The following ROBO1 variants were observed in gnomAD, a reference collection of about 807,000 sequenced individuals.
ROBO1 encodes the protein roundabout guidance receptor 1.
Under a neutral mutation model 195.9 loss-of-function variants are expected in ROBO1, and 149 were observed. The observed-to-expected ratio is 0.76, with a 90% CI of 0.67 to 0.87. ROBO1 has a LOEUF of 0.87. Ranked by LOEUF, ROBO1 falls within the 40% of genes least tolerant of loss-of-function variation. ROBO1 has a pLI of 0.00. For synonymous variants in ROBO1, 816 were observed against 733.2 expected, an observed-to-expected ratio of 1.11 and a Z score of -1.82; for missense variants, 1,933 against 2,068.3, an observed-to-expected ratio of 0.93 and a Z score of 1.27.
chr3:78,689,612 C>T (rs1220812483), intron 8 of ROBO1, among the ~76,000 whole-genome samples: 1 of 151,982 alleles, frequency 6.6e-6, no homozygotes, highest in African/African-American at 2.4e-5. Flanking sequence ...CTACTGTTTA[C>T]ACTTTTCCAA....
chr3:78,821,575 T>G (rs1204075676), intron 4 of ROBO1, among the ~76,000 whole-genome samples: 2 of 152,238 alleles, frequency 1.3e-5, no homozygotes, highest in East Asian at 1.9e-4. Context: ...GCTTTTCACA[T>G]GTAAAAGATT....
chr3:79,446,451 C>T (rs1386719602), intron 2 of ROBO1, among the ~76,000 whole-genome samples: 1 of 152,078 alleles, frequency 6.6e-6, no homozygotes, highest in African/African-American at 2.4e-5. Context: ...TGCATTATAG[C>T]TATTTTTTAG....
At chr3:79,585,280 G>A (rs1342054350) in intron 2 of ROBO1, among the ~76,000 whole-genome samples, 1 of 151,802 alleles carries the variant, frequency 6.6e-6, no homozygotes, top group Non-Finnish European at 1.5e-5. Flanking sequence ...TCTGAATTAA[G>A]ATTTTACTAA....
intron 1 of ROBO1, among the ~76,000 whole-genome samples, chr3:79,732,602 C>A (rs897880278): frequency 4.6e-5 from 7 of 152,138 alleles, no homozygotes; most frequent in Non-Finnish European, 7.4e-5. Flanking sequence ...TGCTCCCTTG[C>A]CGCTCTATGA....
intron 3 of ROBO1, among the ~76,000 whole-genome samples, chr3:78,981,588 A>G (rs1347256851): frequency 6.6e-6 from 1 of 152,156 alleles, no homozygotes; most frequent in Non-Finnish European, 1.5e-5. Context: ...CTGAAACTCT[A>G]TATACTCATT....
chr3:78,813,186 A>G (rs948051459), intron 4 of ROBO1, among the ~76,000 whole-genome samples: 1 of 152,082 alleles, frequency 6.6e-6, no homozygotes, highest in African/African-American at 2.4e-5. Context: ...TCAAATAATA[A>G]GGAAGAAAAT....
At chr3:79,487,896 A>G (rs1939247328) in intron 2 of ROBO1, among the ~76,000 whole-genome samples, 1 of 152,196 alleles carries the variant, frequency 6.6e-6, no homozygotes, top group Non-Finnish European at 1.5e-5. Flanking sequence ...GAAAATGGGA[A>G]CAATAACTCT....
chr3:79,019,078 C>T (rs2078037185), intron 3 of ROBO1: 1 of 989,606 alleles, frequency 1.0e-6, no homozygotes, highest in South Asian at 4.7e-5. Flanking sequence ...ACAGCGGCTG[C>T]CTGGGCGGGC....
chr3:79,436,665 A>G (rs747217062), intron 2 of ROBO1, among the ~76,000 whole-genome samples: 1 of 152,024 alleles, frequency 6.6e-6, no homozygotes, highest in African/African-American at 2.4e-5. Context: ...GTTATTTTTG[A>G]TACAGTGTGA....
chr3:78,639,646 A>C lies in ROBO1; in HGVS notation c.3037+98T>G, dbSNP rs1396611291. 4 of 1,240,136 alleles carry C rather than the reference A, an allele frequency of 3.2e-6. No individual in the cohort carries two copies. The Admixed American group carries it at 9.7e-5, about 30-fold the overall frequency. 76.8% of individuals were successfully genotyped at this position (1,240,136 alleles called of 1,614,324 possible). A position where few individuals can be genotyped will look rare whatever the true frequency, so the allele number is the denominator to read the frequency against. ...GTCAGCATTGGATAAAATACGGGTCAAATTTTATCTTTCCCATGTAGGGAG... is the reference window on the plus strand; with the variant it reads ...GTCAGCATTGGATAAAATACGGGTCCAATTTTATCTTTCCCATGTAGGGAG... On this transcript the variant is annotated intron_variant, in intron 22 of 30. Transcript: ENST00000464233.
At chr3:79,333,636 C>T (rs547977734) in intron 2 of ROBO1, among the ~76,000 whole-genome samples, 2 of 152,286 alleles carry the variant, frequency 1.3e-5, no homozygotes, top group East Asian at 3.9e-4. Context: ...CCCACACTAT[C>T]CTGAAGTTGT....
intron 3 of ROBO1, among the ~76,000 whole-genome samples, chr3:78,964,998 T>C (rs1423832199): frequency 6.6e-6 from 1 of 151,920 alleles, no homozygotes; most frequent in African/African-American, 2.4e-5. Context: ...CAAAAAATAT[T>C]GTCAATTTAA....
intron 2 of ROBO1, among the ~76,000 whole-genome samples, chr3:79,295,429 T>A (rs1475796115): frequency 1.3e-5 from 2 of 151,962 alleles, no homozygotes; most frequent in Admixed American, 1.3e-4. Context: ...GAGGAGAACA[T>A]CACACACCAG....
chr3:79,227,402 T>C (rs2082244454), intron 2 of ROBO1, among the ~76,000 whole-genome samples: 1 of 152,186 alleles, frequency 6.6e-6, no homozygotes, highest in Non-Finnish European at 1.5e-5. Context: ...GAATTGTTTT[T>C]CTACCTCGGT....
intron 2 of ROBO1, among the ~76,000 whole-genome samples, chr3:79,411,137 T>C (rs2037747671): frequency 6.6e-6 from 1 of 152,160 alleles, no homozygotes; most frequent in Non-Finnish European, 1.5e-5. Flanking sequence ...ACTTTTAAAG[T>C]TCTAAGCTTT....
At chr3:78,966,162 T>C (rs2076639895) in intron 3 of ROBO1, among the ~76,000 whole-genome samples, 1 of 152,176 alleles carries the variant, frequency 6.6e-6, no homozygotes, top group African/African-American at 2.4e-5. Flanking sequence ...TGATCTGAGA[T>C]TGGAGGTGGA....
At chr3:78,845,167 T>G (rs543751105) in intron 4 of ROBO1, among the ~76,000 whole-genome samples, 3 of 152,072 alleles carry the variant, frequency 2.0e-5, no homozygotes, top group Non-Finnish European at 4.4e-5. Context: ...TGAATTCAGA[T>G]GTGTGTAAGT....
intron 4 of ROBO1, among the ~76,000 whole-genome samples, chr3:78,859,217 A>G (rs1300772697): frequency 1.3e-5 from 2 of 152,210 alleles, no homozygotes; most frequent in African/African-American, 4.8e-5. Context: ...CTGCCAATAG[A>G]ATAAATGTAA....
intron 1 of ROBO1, among the ~76,000 whole-genome samples, chr3:79,661,761 A>C (rs1946335049): frequency 6.6e-6 from 1 of 151,978 alleles, no homozygotes; most frequent in Admixed American, 6.6e-5. Flanking sequence ...TTTCTTATTC[A>C]ATGTGTCTTC....
Sources: gnomAD v4.1 joint callset for allele counts (sites outside exome capture counted in the v4.1 genomes callset) on GRCh38, gnomAD v4.1.1 for gene constraint, MANE v1.5 for transcripts, NCBI Gene and HGNC (gene_info 2026-07-23, HGNC 2026-07-21) for gene names.